The following PCK2 variants were observed in gnomAD, a reference collection of about 807,000 sequenced individuals.
PCK2 encodes phosphoenolpyruvate carboxykinase 2, mitochondrial.
In PCK2, 56 loss-of-function variants were observed where a neutral mutation model predicts 65.9. The ratio of observed to expected loss-of-function variants is 0.85; its 90% CI spans 0.69 to 1.06. PCK2 has a LOEUF of 1.06. Ranked by LOEUF, PCK2 falls within the 50% of genes least tolerant of loss-of-function variation. PCK2 has a pLI of 0.00. For missense variants in PCK2, 843 were observed against 863.1 expected (o/e 0.98, Z 0.29); for synonymous variants, 305 against 319.6 (o/e 0.95, Z 0.49).
chr14:24,095,367 G>A, intron 1 of PCK2: 1 of 400,516 alleles, frequency 2.5e-6, no homozygotes, highest in Admixed American at 2.7e-5. Context: ...TCTGAGGCAG[G>A]AACAGACCCA....
In PCK2 at chr14:24,104,059, C is replaced by G; in HGVS notation, c.*95C>G. 1.3e-6 allele frequency: 1 copy of G among 796,548 alleles called. No homozygotes were observed. The highest frequency in any genetic ancestry group is 2.2e-5 in the Admixed American group (1 of 45,632). The allele number at this position is 796,548 out of a possible 1,614,324, so 49.3% of individuals were successfully genotyped here. A position where few individuals can be genotyped will look rare whatever the true frequency, so the allele number is the denominator to read the frequency against. ...ATATGAGCAATTTGATATTAACTAACATCTTCAATGTGCCATAGACCTTCC... is the reference window on the plus strand; with the variant it reads ...ATATGAGCAATTTGATATTAACTAAGATCTTCAATGTGCCATAGACCTTCC... On this transcript the variant is annotated 3_prime_UTR_variant, in exon 10 of 10. Coordinates refer to ENST00000216780, the MANE Select transcript of PCK2 (RefSeq NM_004563.4).
At chr14:24,095,932 TG>T (rs1291281539) in intron 1 of PCK2, among the ~76,000 whole-genome samples, 1 of 152,196 alleles carries the variant, frequency 6.6e-6, no homozygotes, top group African/African-American at 2.4e-5. Context: ...TTGGTCCAAG[TG>T]GGCAGCAGCA....
rs2037010440 is a variant in PCK2, at chr14:24,098,619, T to C, written c.605T>C (p.Leu202Pro). 1 of 1,613,924 alleles carries C rather than the reference T, an allele frequency of 6.2e-7. No individual in the cohort carries two copies. The highest frequency in any genetic ancestry group is 1.3e-5 in the African/African-American group (1 of 74,920). ...TRLGTPVLQA[L>P]GDGDFVKCLH... ...CTGGGGACACCTGTGCTTCAGGCCC[T>C]GGGAGATGGTGACTTTGTCAAGTGT... The change falls in exon 4 of 10, where the codon CTG (leucine) becomes CCG (proline). Residue 202 changes from leucine (L) to proline (P), a missense_variant. Physicochemically the swap from Leu to Pro is moderately conservative, Grantham distance 98. Coordinates refer to ENST00000216780, the MANE Select transcript of PCK2 (RefSeq NM_004563.4).
chr14:24,100,619 C>A (rs1412012224), intron 7 of PCK2: 1 of 1,036,700 alleles, frequency 9.6e-7, no homozygotes, highest in Non-Finnish European at 1.2e-6. Flanking sequence ...AACATTCTTA[C>A]AGAAGGTATT....
In PCK2 at chr14:24,100,169, C is replaced by G; in HGVS notation, c.1190C>G (p.Pro397Arg). Residue 397 changes from proline (P) to arginine (R), a missense_variant, in exon 7 of 10, where the codon CCT (proline) becomes CGT (arginine). Physicochemically the swap from Pro to Arg is moderately radical, Grantham distance 103. Transcript: ENST00000216780. ...YWEGIDQPLP[P>R]GVTVTSWLGK... is the part of the protein sequence containing the mutation. ...GAGGGCATTGACCAGCCTCTTCCAC[C>G]TGGTGTTACTGTGACCTCCTGGCTG... is the stretch of plus-strand genomic sequence containing the variant. 1 of 1,614,110 alleles carries G rather than the reference C, an allele frequency of 6.2e-7. No homozygotes were observed. Among genetic ancestry groups the G allele is most frequent in the East Asian group, 2.2e-5 (1 of 44,886 alleles).
chr14:24,100,003 C>T lies in PCK2; in HGVS notation c.1024C>T (p.Arg342Trp), dbSNP rs750677484. The T allele has an allele frequency of 1.3e-4, 208 of 1,614,052 alleles. 1 individual carries two copies. In the Admixed American group the frequency reaches 1.8e-3, roughly 14 times the overall value. Residue 342 changes from arginine (R) to tryptophan (W), a missense_variant, in exon 7 of 10, where the codon CGG (arginine) becomes TGG (tryptophan). Physicochemically the swap from Arg to Trp is moderately radical, Grantham distance 101 (BLOSUM62 -3). Transcript: ENST00000216780. ...TTCACTTCTCCTAACAGGTCGACTC[C>T]GGGCCATCAACCCTGAGAACGGCTT... ...WMRFDSEGRL[R>W]AINPENGFFG...
chr14:24,097,618 C>G (rs2036953038), intron 2 of PCK2, among the ~76,000 whole-genome samples: 1 of 147,982 alleles, frequency 6.8e-6, no homozygotes, highest in African/African-American at 2.5e-5. Flanking sequence ...GATGGAGTCT[C>G]ACTGTATCAC....
At chr14:24,099,414 A>T in intron 5 of PCK2, 144 bp from the exon 6 acceptor site, 1 of 1,009,324 alleles carries the variant, frequency 9.9e-7, no homozygotes, top group Non-Finnish European at 1.4e-6. Context: ...CCCTGCCACT[A>T]ACCCAGGCCT....
At position 24,094,743 on chromosome 14, in the gene PCK2, G is replaced by A. The variant is rs1443504335; in HGVS notation, c.29+309G>A. 1.4e-6 allele frequency: 2 copies of A among 1,474,438 alleles called. No homozygotes were observed. The highest frequency in any genetic ancestry group is 2.0e-5 in the Admixed American group (1 of 48,824). 91.3% of individuals were successfully genotyped at this position (1,474,438 alleles called of 1,614,324 possible). On this transcript the variant is annotated intron_variant, in intron 1 of 9. Transcript: ENST00000216780. The surrounding 1 kb of genome is among the most constrained non-coding windows in gnomAD (Gnocchi z 4.1). ...CTCCTCTCTGCTGAGCCAGGTCTCC[G>A]CATATCCTCCTTTCCTTCCCAGATA...
chr14:24,094,592 C>CG lies in PCK2; in HGVS notation c.29+159dup. 6.9e-7 allele frequency: 1 copy of CG among 1,451,800 alleles called. No individual in the cohort carries two copies. Among genetic ancestry groups the CG allele is most frequent in the Non-Finnish European group, 9.0e-7 (1 of 1,105,588 alleles). The allele number at this position is 1,451,800 out of a possible 1,614,324, so 89.9% of individuals were successfully genotyped here. A position where few individuals can be genotyped will look rare whatever the true frequency, so the allele number is the denominator to read the frequency against. ...GCTGTGGGTCCAGCCTCCCGCGCCG[C>CG]GCGTCTCTTGGGAGGGCAGCCGGCC... On this transcript the variant is annotated intron_variant, in intron 1 of 9. Transcript: ENST00000216780. This position sits in a 1 kb window ranked among gnomAD's most constrained non-coding sequence, Gnocchi z 4.1.
At position 24,099,729 on chromosome 14, in the gene PCK2, C is replaced by T. The variant is rs2037078036; in HGVS notation, c.1015+9C>T. ...GAGGTTTGACAGTGAAGGTGAGGGACTCTCAGATCATACTCTTGGTTCTGG... is the reference window on the plus strand; with the variant it reads ...GAGGTTTGACAGTGAAGGTGAGGGATTCTCAGATCATACTCTTGGTTCTGG... On this transcript the variant is annotated intron_variant, in intron 6 of 9. Transcript: ENST00000216780. The T allele has an allele frequency of 3.1e-6, 5 of 1,610,656 alleles. No individual in the cohort carries two copies. Among genetic ancestry groups the T allele is most frequent in the Non-Finnish European group, 4.2e-6 (5 of 1,176,888 alleles).
At position 24,096,929 on chromosome 14, in the gene PCK2, T is replaced by C; in HGVS notation, c.67T>C (p.Ser23Pro). 1.2e-6 allele frequency: 2 copies of C among 1,613,454 alleles called. No individual in the cohort carries two copies. Among genetic ancestry groups the C allele is most frequent in the Non-Finnish European group, 1.7e-6 (2 of 1,179,530 alleles). The change falls in exon 2 of 10, where the codon TCA becomes CCA. Residue 23 changes from serine (S) to proline (P), a missense_variant. Physicochemically the swap from Ser to Pro is moderately conservative, Grantham distance 74 (BLOSUM62 -1). Coordinates refer to ENST00000216780, the MANE Select transcript of PCK2 (RefSeq NM_004563.4). ...TGGGCTGAGCCCCTTGGGCTGGCCA[T>C]CATGCCGTAGCATCCAGACCCTGCG... is the stretch of plus-strand genomic sequence containing the variant. ...WHGLSPLGWP[S>P]CRSIQTLRVL...
At position 24,104,004 on chromosome 14, in the gene PCK2, T is replaced by C; in HGVS notation, c.*40T>C. Reference sequence around the variant, plus strand: ...CTAGCAAGAGGACATAGCACCCTCATCTGGGAATAGGGAAGGCACCTTGCA... The same window carrying C: ...CTAGCAAGAGGACATAGCACCCTCACCTGGGAATAGGGAAGGCACCTTGCA... On this transcript the variant is annotated 3_prime_UTR_variant, in exon 10 of 10. Coordinates refer to ENST00000216780, the MANE Select transcript of PCK2 (RefSeq NM_004563.4). 6.8e-7 allele frequency: 1 copy of C among 1,473,348 alleles called. No individual in the cohort carries two copies. Among genetic ancestry groups the C allele is most frequent in the South Asian group, 1.1e-5 (1 of 87,450 alleles). 91.3% of individuals were successfully genotyped at this position (1,473,348 alleles called of 1,614,324 possible). A position where few individuals can be genotyped will look rare whatever the true frequency, so the allele number is the denominator to read the frequency against.
Position 24,103,005 on chromosome 14 carries a change from TC to T in PCK2, c.1372+119del, listed in dbSNP as rs1227264847. 3.8e-6 allele frequency: 5 copies of T among 1,299,782 alleles called. No homozygotes were observed. In the East Asian group the frequency reaches 1.2e-4, roughly 30 times the overall value. The allele number at this position is 1,299,782 out of a possible 1,614,324, so 80.5% of individuals were successfully genotyped here. On this transcript the variant is annotated intron_variant, in intron 8 of 9. Coordinates refer to ENST00000216780, the MANE Select transcript of PCK2 (RefSeq NM_004563.4). ...TGGATCTCACCTTTCTCCAGAGTTC[TC>T]CCCTGGTGAATGCAAACTTGGGAGG...
chr14:24,095,112 C>T (rs2036806806), intron 1 of PCK2: 1 of 456,002 alleles, frequency 2.2e-6, no homozygotes, highest in African/African-American at 2.0e-5. Flanking sequence ...CTCTTAGTCT[C>T]CTATTTATTC....
At position 24,103,707 on chromosome 14, in the gene PCK2, G is replaced by T. The variant is rs1387597844; in HGVS notation, c.1666G>T (p.Asp556Tyr). 1 of 1,614,224 alleles carries T rather than the reference G, an allele frequency of 6.2e-7. No individual in the cohort carries two copies. The part of the protein sequence containing the change: ...PGFGENARVL[D>Y]WICRRLEGED... ...CTTTGGGGAGAATGCTCGGGTGCTA[G>T]ACTGGATCTGCCGGCGGTTAGAGGG... Residue 556 changes from aspartate to tyrosine, a missense_variant, in exon 10 of 10, where the codon GAC (aspartate) becomes TAC (tyrosine). Physicochemically the swap from Asp to Tyr is radical, Grantham distance 160. Transcript: ENST00000216780.
rs954229849 is a variant in PCK2, at chr14:24,094,708, T to C, written c.29+274T>C. The C allele has an allele frequency of 4.6e-6, 7 of 1,510,588 alleles. No individual in the cohort carries two copies. In the African/African-American group the frequency reaches 8.3e-5, roughly 18 times the overall value. The allele number at this position is 1,510,588 out of a possible 1,614,324, so 93.6% of individuals were successfully genotyped here. A position where few individuals can be genotyped will look rare whatever the true frequency, so the allele number is the denominator to read the frequency against. On this transcript the variant is annotated intron_variant, in intron 1 of 9. Transcript: ENST00000216780. The surrounding 1 kb of genome is among the most constrained non-coding windows in gnomAD (Gnocchi z 4.1). Reference sequence around the variant, plus strand: ...TATCTGCCACTCTCAGAACTTCCTCTCTCTCCTCGCTCCTCTCTGCTGAGC... The same window carrying C: ...TATCTGCCACTCTCAGAACTTCCTCCCTCTCCTCGCTCCTCTCTGCTGAGC...
rs2036793290 is a variant in PCK2, at chr14:24,094,903, T to G, written c.29+469T>G. The G allele has an allele frequency of 8.2e-6, 10 of 1,218,810 alleles. No homozygotes were observed. The highest frequency in any genetic ancestry group is 4.4e-4 in the Middle Eastern group (2 of 4,558). 75.5% of individuals were successfully genotyped at this position (1,218,810 alleles called of 1,614,324 possible). ...CCCCTAAAGAAGGTGGAAGGTTAAA[T>G]ATCCATTCCCGGCCTCTCCCGGACT... On this transcript the variant is annotated intron_variant, in intron 1 of 9. Transcript: ENST00000216780. The surrounding 1 kb of genome is among the most constrained non-coding windows in gnomAD (Gnocchi z 4.1).
intron 5 of PCK2, 149 bp from the exon 6 acceptor site, chr14:24,099,409 C>A: frequency 1.0e-6 from 1 of 986,010 alleles, no homozygotes; most frequent in Non-Finnish European, 1.5e-6. Flanking sequence ...GTTTCCCCTG[C>A]CACTAACCCA....
Sources: allele counts gnomAD v4.1 joint callset (sites outside exome capture counted in the v4.1 genomes callset), GRCh38; gene constraint gnomAD v4.1.1; non-coding constraint Gnocchi (gnomAD v3.1); transcripts MANE v1.5; gene names NCBI Gene and HGNC (gene_info 2026-07-23, HGNC 2026-07-21).